The following RASGRF2 variants were observed in gnomAD, a reference collection of about 807,000 sequenced individuals.
RASGRF2 encodes Ras protein specific guanine nucleotide releasing factor 2.
In RASGRF2, 76 loss-of-function variants were observed where a neutral mutation model predicts 151.0. The ratio of observed to expected loss-of-function variants is 0.50; its 90% CI spans 0.42 to 0.61. RASGRF2 has a LOEUF of 0.61. Among genes scored for constraint, RASGRF2 ranks in the 20% least tolerant of loss-of-function variants. The pLI is 0.00. For missense variants in RASGRF2, 1,148 were observed against 1,564.6 expected (o/e 0.73, Z 4.49); for synonymous variants, 504 against 566.5 (o/e 0.89, Z 1.57).
rs1371392791 is a variant in RASGRF2 at position 81,133,546 on chromosome 5, A to C, written c.2686+6383A>C. Among the ~76,000 whole-genome samples, 12 of 152,256 alleles carry C rather than the reference A, an allele frequency of 7.9e-5. No individual in the cohort carries two copies. The East Asian group carries it at 2.3e-3, about 29-fold the overall frequency. ...TATATCAGAGCACATCATTGCACTT[A>C]CTATACACCTGAAGTTGTAGGATTA... On this transcript the variant is annotated intron_variant, in intron 17 of 26. Transcript: ENST00000265080.
intron 17 of RASGRF2, among the ~76,000 whole-genome samples, chr5:81,155,682 C>G (rs183874746): frequency 4.6e-5 from 7 of 152,198 alleles, no homozygotes; most frequent in African/African-American, 1.7e-4. Context: ...GTTAGGATTC[C>G]AAGAAAGAAA....
intron 1 of RASGRF2, among the ~76,000 whole-genome samples, chr5:81,030,652 A>C (rs1750206419): frequency 6.6e-6 from 1 of 152,220 alleles, no homozygotes; most frequent in Non-Finnish European, 1.5e-5. Flanking sequence ...TGAAGGAAGC[A>C]CTAAACATGG....
chr5:81,092,647 T>A (rs1332240843), intron 9 of RASGRF2, among the ~76,000 whole-genome samples, 154 bp from the exon 10 acceptor site: 1 of 152,198 alleles, frequency 6.6e-6, no homozygotes, highest in Admixed American at 6.5e-5. Flanking sequence ...TTTCTTCTGC[T>A]CAGACTGGAA....
intron 18 of RASGRF2, among the ~76,000 whole-genome samples, chr5:81,182,443 T>C (rs983064035): frequency 3.9e-5 from 6 of 152,242 alleles, no homozygotes; most frequent in Non-Finnish European, 5.9e-5. Context: ...TACACGACCG[T>C]GTGCAGGACA....
chr5:81,196,416 A>G (rs749017683), intron 18 of RASGRF2, among the ~76,000 whole-genome samples: 4 of 152,246 alleles, frequency 2.6e-5, no homozygotes, highest in Non-Finnish European at 4.4e-5. Context: ...AGTCTGATTT[A>G]TATCATCAGC....
At chr5:81,057,932 G>A (rs1289010549) in intron 2 of RASGRF2, among the ~76,000 whole-genome samples, 2 of 151,930 alleles carry the variant, frequency 1.3e-5, no homozygotes, top group Non-Finnish European at 2.9e-5. Flanking sequence ...GGAGGTCGAG[G>A]CTGCAGTGAT....
Position 81,207,363 on chromosome 5 carries a change from C to G in RASGRF2, c.3071+14C>G, listed in dbSNP as rs1345332497. 1.1e-5 allele frequency: 18 copies of G among 1,605,080 alleles called. No homozygotes were observed. Among genetic ancestry groups the G allele is most frequent in the Non-Finnish European group, 1.5e-5 (18 of 1,171,964 alleles). Reference sequence around the variant, plus strand: ...CATTCCCTACGAGTGAGTGCCACCCCCCACAGCAGCAGGGCTCGGCTGCTC... The same window carrying G: ...CATTCCCTACGAGTGAGTGCCACCCGCCACAGCAGCAGGGCTCGGCTGCTC... On this transcript the variant is annotated intron_variant, in intron 21 of 26. Transcript: ENST00000265080.
chr5:81,125,045 G>A (rs552903632), intron 16 of RASGRF2, among the ~76,000 whole-genome samples: 6 of 152,152 alleles, frequency 3.9e-5, no homozygotes, highest in Non-Finnish European at 7.4e-5. Context: ...GGGCCACCAC[G>A]CCCAGCAGTT....
rs145682310 is a variant in RASGRF2 at position 80,976,798 on chromosome 5, T to C, written c.288+15772T>C. 2.7e-3 allele frequency among the ~76,000 whole-genome samples: 407 copies of C among 152,292 alleles called. 1 individual carries two copies. Among genetic ancestry groups the C allele is most frequent in the Admixed American group, 6.4e-3 (98 of 15,302 alleles). On this transcript the variant is annotated intron_variant, in intron 1 of 26. Transcript: ENST00000265080. ...CTCCGTGAGGACATTTCTTACATTTTAAGGTGGGTCCACATCCTCTGTGCC... is the reference window on the plus strand; with the variant it reads ...CTCCGTGAGGACATTTCTTACATTTCAAGGTGGGTCCACATCCTCTGTGCC...
intron 10 of RASGRF2, 121 bp from the exon 11 acceptor site, chr5:81,094,171 ATTAT>A (rs1280992558): frequency 2.0e-5 from 14 of 700,992 alleles, no homozygotes; most frequent in Non-Finnish European, 2.9e-5. Context: ...TCTATGAAAA[ATTAT>A]TTATGATGCA....
At chr5:81,224,795 C>T (rs1314823884) in intron 26 of RASGRF2, among the ~76,000 whole-genome samples, 1 of 152,166 alleles carries the variant, frequency 6.6e-6, no homozygotes, top group Non-Finnish European at 1.5e-5. Flanking sequence ...AAGGAGTACA[C>T]ACTGTATGAT....
chr5:81,096,440 C>T (rs993119143), intron 12 of RASGRF2: 2 of 152,274 alleles, frequency 1.3e-5, no homozygotes, highest in South Asian at 4.1e-4. Context: ...GACCATGGTT[C>T]TTGCTCTCAG....
intron 19 of RASGRF2, among the ~76,000 whole-genome samples, chr5:81,203,766 T>A (rs1755446447): frequency 6.6e-6 from 1 of 152,188 alleles, no homozygotes; most frequent in African/African-American, 2.4e-5. Flanking sequence ...TTGTGAAGAG[T>A]ACATGATGTG....
chr5:80,964,440 T>C (rs989549349), intron 1 of RASGRF2, among the ~76,000 whole-genome samples: 2 of 152,160 alleles, frequency 1.3e-5, no homozygotes, highest in Admixed American at 1.3e-4. Context: ...TGTTATCCTC[T>C]CTTACCTCAT....
intron 4 of RASGRF2, among the ~76,000 whole-genome samples, chr5:81,071,047 G>T (rs1340253025): frequency 6.6e-6 from 1 of 152,088 alleles, no homozygotes; most frequent in African/African-American, 2.4e-5. Context: ...ACAATCAGCA[G>T]ATTTTTCCCT....
chr5:80,993,720 T>G (rs1420056070), intron 1 of RASGRF2, among the ~76,000 whole-genome samples: 1 of 152,088 alleles, frequency 6.6e-6, no homozygotes, highest in Non-Finnish European at 1.5e-5. Context: ...TTATAGAAAT[T>G]AGAGATTAGC....
At chr5:81,073,155 C>T (rs775329801) in intron 4 of RASGRF2, 44 bp from the exon 5 acceptor site, 2 of 1,568,714 alleles carry the variant, frequency 1.3e-6, no homozygotes, top group Non-Finnish European at 8.7e-7. Flanking sequence ...AAATAAATCA[C>T]CATTGTAACT....
At chr5:81,118,551 A>C (rs532586201) in intron 15 of RASGRF2, among the ~76,000 whole-genome samples, 1 of 152,096 alleles carries the variant, frequency 6.6e-6, no homozygotes, top group Non-Finnish European at 1.5e-5. Context: ...AATGAATAAC[A>C]CCTGGCTCTC....
In RASGRF2 at chr5:80,960,894, C is replaced by G. The variant is rs1451256410; in HGVS notation, c.156C>G (p.Phe52Leu). Residue 52 changes from phenylalanine (F) to leucine (L), a missense_variant, in exon 1 of 27, where the codon TTC becomes TTG. Physicochemically the swap from Phe to Leu is conservative, Grantham distance 22. This residue lies in a region of RASGRF2 where 221 missense variants were observed against 271.3 expected (regional missense o/e 0.81). Coordinates refer to ENST00000265080, the MANE Select transcript of RASGRF2 (RefSeq NM_006909.3). This position sits in a 1 kb window ranked among gnomAD's most constrained non-coding sequence, Gnocchi z 5.5. Reference protein sequence around the residue: ...KWFALYQNVLFYFEGEQSCRP... With the variant: ...KWFALYQNVLLYFEGEQSCRP... ...TCGCCCTCTACCAGAATGTGCTCTT[C>G]TACTTCGAGGGCGAGCAGAGCTGCC... 1.2e-6 allele frequency: 2 copies of G among 1,609,994 alleles called. No homozygotes were observed. The highest frequency in any genetic ancestry group is 1.7e-6 in the Non-Finnish European group (2 of 1,177,142).
Sources: allele counts gnomAD v4.1 joint callset (sites outside exome capture counted in the v4.1 genomes callset), GRCh38; gene constraint gnomAD v4.1.1; regional missense constraint gnomAD v4.1.1; non-coding constraint Gnocchi (gnomAD v3.1); transcripts MANE v1.5; gene names NCBI Gene and HGNC (gene_info 2026-07-23, HGNC 2026-07-21).